The following ARHGAP20 variants were observed in gnomAD, a reference collection of about 807,000 sequenced individuals.
ARHGAP20 encodes the protein rho GTPase-activating protein 20.
ARHGAP20 carries 34 observed loss-of-function variants against 73.7 expected under a neutral mutation model. The ratio of observed to expected loss-of-function variants is 0.46; its 90% confidence interval spans 0.35 to 0.61. ARHGAP20 has a LOEUF of 0.61. Among genes scored for constraint, ARHGAP20 ranks in the 20% least tolerant of loss-of-function variants. The pLI is 0.00. For synonymous variants in ARHGAP20, 523 were observed against 518.2 expected, an observed-to-expected ratio of 1.01 and a Z score of -0.13; for missense variants, 1,314 against 1,420.9, an observed-to-expected ratio of 0.92 and a Z score of 1.21.
chr11:110,610,872 C>T (rs1449231035), intron 7 of ARHGAP20, among the ~76,000 whole-genome samples: 2 of 152,000 alleles, frequency 1.3e-5, no homozygotes, highest in South Asian at 4.1e-4. Flanking sequence ...AATTCTATTA[C>T]AGAGCAAATT....
chr11:110,659,421 T>A (rs1472686414), intron 2 of ARHGAP20, among the ~76,000 whole-genome samples: 1 of 151,122 alleles, frequency 6.6e-6, no homozygotes, highest in Middle Eastern at 3.2e-3. Flanking sequence ...GTTTTTTTCT[T>A]GTAAATTTGT....
intron 12 of ARHGAP20, among the ~76,000 whole-genome samples, chr11:110,585,087 AT>A (rs1332586176): frequency 6.7e-6 from 1 of 150,356 alleles, no homozygotes; most frequent in African/African-American, 2.4e-5. Flanking sequence ...ATACATGAAT[AT>A]ATGTGAATAT....
chr11:110,653,814 T>C (rs10891155), intron 2 of ARHGAP20, among the ~76,000 whole-genome samples: 38,040 of 151,922 alleles, frequency 0.25, 4,865 homozygotes, highest in Middle Eastern at 0.32. Flanking sequence ...TGGAATCAAC[T>C]CAAATGCCTA....
intron 13 of ARHGAP20, among the ~76,000 whole-genome samples, chr11:110,583,310 T>C (rs1947524684): frequency 1.3e-5 from 2 of 152,188 alleles, no homozygotes; most frequent in Admixed American, 1.3e-4. Context: ...TCAGCTGCTT[T>C]ATCACTTTAT....
intron 2 of ARHGAP20, among the ~76,000 whole-genome samples, chr11:110,666,643 T>C (rs1214578465): frequency 6.6e-6 from 1 of 152,230 alleles, no homozygotes; most frequent in African/African-American, 2.4e-5. Context: ...ATCAAGCAAG[T>C]CTATCAGCAC....
In ARHGAP20 at chr11:110,577,226, C is replaced by A. The variant is rs1947306679; in HGVS notation, c.*2144G>T. 6.7e-7 allele frequency: 1 copy of A among 1,502,294 alleles called. No individual in the cohort carries two copies. Among genetic ancestry groups the A allele is most frequent in the South Asian group, 1.3e-5 (1 of 79,182 alleles). 93.1% of individuals were successfully genotyped at this position (1,502,294 alleles called of 1,614,324 possible). A position where few individuals can be genotyped will look rare whatever the true frequency, so the allele number is the denominator to read the frequency against. ...TTTGTCAAGATATATTATACAAACT[C>A]AAAGCATTTTAGATAAAGCATCAGT... On this transcript the variant is annotated 3_prime_UTR_variant, in exon 15 of 15. Transcript: ENST00000683387.
intron 2 of ARHGAP20, among the ~76,000 whole-genome samples, chr11:110,649,562 G>A (rs1484430087): frequency 3.3e-5 from 5 of 152,018 alleles, no homozygotes; most frequent in South Asian, 2.1e-4. Flanking sequence ...TCCTTCCAAC[G>A]AGGCGGTGAG....
At chr11:110,690,148 A>G (rs1196381316) in intron 2 of ARHGAP20, among the ~76,000 whole-genome samples, 1 of 152,144 alleles carries the variant, frequency 6.6e-6, no homozygotes, top group East Asian at 1.9e-4. Flanking sequence ...ATCTTCCTTC[A>G]CATCTAAAGT....
At chr11:110,676,038 C>T (rs971357113) in intron 2 of ARHGAP20, among the ~76,000 whole-genome samples, 1 of 152,100 alleles carries the variant, frequency 6.6e-6, no homozygotes, top group East Asian at 1.9e-4. Flanking sequence ...AAAGCTGAGA[C>T]GTTGAAAATA....
chr11:110,580,490 G>T lies in ARHGAP20; in HGVS notation c.2456C>A (p.Pro819His), dbSNP rs759569947. ...MSSQDHSKNQPFDVNTSGYSP... is the reference protein window; with the variant it reads ...MSSQDHSKNQHFDVNTSGYSP... Reference sequence around the variant, plus strand: ...GTATCCAGATGTATTCACATCAAAGGGCTGGTTCTTGGAATGATCCTGTGA... The same window carrying T: ...GTATCCAGATGTATTCACATCAAAGTGCTGGTTCTTGGAATGATCCTGTGA... The change falls in exon 15 of 15, where the codon CCC becomes CAC. Residue 819 changes from proline to histidine, a missense_variant. By Grantham distance (77) the Pro-to-His change is moderately conservative (BLOSUM62 -2). Around this residue, in one of 3 missense-constraint regions of ARHGAP20, gnomAD observed 641 missense variants for 636.9 expected, o/e 1.01. Coordinates refer to ENST00000683387, the MANE Select transcript of ARHGAP20 (RefSeq NM_001384657.1). 13 of 1,613,998 alleles carry T rather than the reference G, an allele frequency of 8.1e-6. No homozygotes were observed. In the African/African-American group the frequency reaches 1.2e-4, roughly 15 times the overall value.
intron 2 of ARHGAP20, among the ~76,000 whole-genome samples, chr11:110,652,382 G>T (rs1283363203): frequency 1.3e-5 from 2 of 151,996 alleles, no homozygotes; most frequent in African/African-American, 4.8e-5. Context: ...GGAAGTTCTG[G>T]CCAGGGTGAT....
chr11:110,580,322 G>A lies in ARHGAP20; in HGVS notation c.2624C>T (p.Ala875Val). ...ATCCTCCTCTCCATGCAAGAGACCAGCTTCACAGCTGGTTTTATGTTGTTT... is the reference window on the plus strand; with the variant it reads ...ATCCTCCTCTCCATGCAAGAGACCAACTTCACAGCTGGTTTTATGTTGTTT... ...SKKQHKTSCE[A>V]GLLHGEEDYL... The change falls in exon 15 of 15, where the codon GCT becomes GTT. Residue 875 changes from alanine to valine, a missense_variant. This residue lies in a region of ARHGAP20 where 641 missense variants were observed against 636.9 expected (regional missense o/e 1.01). Transcript: ENST00000683387. The A allele has an allele frequency of 6.2e-7, 1 of 1,614,226 alleles. No homozygotes were observed. Among genetic ancestry groups the A allele is most frequent in the Non-Finnish European group, 8.5e-7 (1 of 1,180,042 alleles).
At chr11:110,690,915 C>T (rs1950230384) in intron 1 of ARHGAP20, 3 of 1,278,602 alleles carry the variant, frequency 2.3e-6, no homozygotes, top group Non-Finnish European at 3.2e-6. Flanking sequence ...ACCATCATAA[C>T]CATTATTACT....
At chr11:110,658,859 A>AATTGCC (rs1949533175) in intron 2 of ARHGAP20, among the ~76,000 whole-genome samples, 1 of 152,144 alleles carries the variant, frequency 6.6e-6, no homozygotes, top group Admixed American at 6.5e-5. Context: ...AAGGCTTGGA[A>AATTGCC]ATTGCCCTTC....
chr11:110,639,556 T>C (rs1949039062), intron 2 of ARHGAP20, among the ~76,000 whole-genome samples: 1 of 152,010 alleles, frequency 6.6e-6, no homozygotes, highest in South Asian at 2.1e-4. Context: ...AAAAACCATA[T>C]AGGTTTTTCT....
chr11:110,653,153 T>C (rs572208687), intron 2 of ARHGAP20, among the ~76,000 whole-genome samples: 1 of 152,220 alleles, frequency 6.6e-6, no homozygotes, highest in East Asian at 1.9e-4. Context: ...ACTCAAGACA[T>C]AGGCATGGGC....
intron 1 of ARHGAP20, among the ~76,000 whole-genome samples, chr11:110,711,123 G>A (rs747458121): frequency 6.6e-6 from 1 of 152,096 alleles, no homozygotes; most frequent in Non-Finnish European, 1.5e-5. Flanking sequence ...GGAGCGAAAC[G>A]GCAGAGGCCG....
intron 3 of ARHGAP20, among the ~76,000 whole-genome samples, chr11:110,630,036 T>C (rs145592039): frequency 5.2e-4 from 79 of 152,298 alleles, no homozygotes; most frequent in African/African-American, 1.8e-3. Context: ...CTTGTCTACT[T>C]CTCTAATCTT....
At chr11:110,596,440 A>G (rs1371839714) in intron 9 of ARHGAP20, among the ~76,000 whole-genome samples, 1 of 151,578 alleles carries the variant, frequency 6.6e-6, no homozygotes, top group Non-Finnish European at 1.5e-5. Context: ...ACTCAAACGA[A>G]TTTACAAGAA....
Sources: allele counts gnomAD v4.1 joint callset (sites outside exome capture counted in the v4.1 genomes callset), GRCh38; gene constraint gnomAD v4.1.1; regional missense constraint gnomAD v4.1.1; transcripts MANE v1.5; gene names NCBI Gene and HGNC (gene_info 2026-07-23, HGNC 2026-07-21).